Variants in AK5 observed in about 807,000 individuals in gnomAD.
AK5 encodes the protein adenylate kinase 5.
In AK5, 27 loss-of-function variants were observed where a neutral mutation model predicts 69.5. That is an observed-to-expected ratio of 0.39 (90% confidence interval 0.29 to 0.54). The LOEUF (loss-of-function observed/expected upper bound fraction) is 0.54. Among genes scored for constraint, AK5 ranks in the 20% least tolerant of loss-of-function variants. The pLI is 0.71. For missense variants in AK5, 531 were observed against 700.4 expected (o/e 0.76, Z 2.73); for synonymous variants, 260 against 244.4 (o/e 1.06, Z -0.60).
intron 10 of AK5, among the ~76,000 whole-genome samples, chr1:77,488,892 A>G (rs1246360918): frequency 2.2e-5 from 1 of 45,770 alleles, no homozygotes; most frequent in East Asian, 9.3e-4. Context: ...GTATCCTTCA[A>G]TCCAATCAAG....
chr1:77,490,749 A>G (rs999736366), intron 10 of AK5, among the ~76,000 whole-genome samples: 1 of 151,856 alleles, frequency 6.6e-6, no homozygotes, highest in East Asian at 1.9e-4. Context: ...ACAGTTTTTC[A>G]CAACCTTTTC....
intron 6 of AK5, among the ~76,000 whole-genome samples, chr1:77,362,276 TA>T (rs1646878304): frequency 6.6e-6 from 1 of 152,220 alleles, no homozygotes; most frequent in African/African-American, 2.4e-5. Context: ...TTTTAATTTT[TA>T]AAAACGTTTT....
At chr1:77,314,131 TA>T in intron 5 of AK5, 2 of 324,524 alleles carry the variant, frequency 6.2e-6, no homozygotes, top group South Asian at 5.2e-5. Flanking sequence ...AAAACAATCT[TA>T]TGATATGAAT....
At chr1:77,396,889 C>T (rs148832554) in intron 6 of AK5, among the ~76,000 whole-genome samples, 194 of 152,354 alleles carry the variant, frequency 1.3e-3, no homozygotes, top group African/African-American at 4.3e-3. Flanking sequence ...TTGCAAGATG[C>T]TTTGCCTATT....
chr1:77,368,215 C>CTATATATA (rs1172723260), intron 6 of AK5, among the ~76,000 whole-genome samples: 1 of 28,204 alleles, frequency 3.5e-5, no homozygotes, highest in African/African-American at 9.5e-5. Context: ...AGTAGAGATA[C>CTATATATA]TATATATATA....
intron 8 of AK5, among the ~76,000 whole-genome samples, chr1:77,463,559 C>T (rs1653962940): frequency 9.4e-6 from 1 of 106,088 alleles, no homozygotes; most frequent in Non-Finnish European, 1.8e-5. Context: ...ACACAAAAAC[C>T]TGTTTAGCTT....
intron 1 of AK5, among the ~76,000 whole-genome samples, chr1:77,286,042 C>G (rs1658329203): frequency 6.6e-6 from 1 of 151,980 alleles, no homozygotes; most frequent in Non-Finnish European, 1.5e-5. Flanking sequence ...ATGCTGGATA[C>G]CATGGGAACA....
chr1:77,504,994 T>A (rs907449453), intron 10 of AK5, among the ~76,000 whole-genome samples: 3 of 152,220 alleles, frequency 2.0e-5, no homozygotes, highest in Non-Finnish European at 4.4e-5. Context: ...AACAGTGATT[T>A]TTTTCTCTTA....
At chr1:77,306,505 T>G (rs955988761) in intron 5 of AK5, among the ~76,000 whole-genome samples, 65 of 150,936 alleles carry the variant, frequency 4.3e-4, no homozygotes, top group Non-Finnish European at 6.1e-4. Context: ...TTTTTTTTTT[T>G]TTTTTTGAGG....
intron 6 of AK5, among the ~76,000 whole-genome samples, chr1:77,395,027 C>T (rs1325009499): frequency 6.7e-6 from 1 of 149,216 alleles, no homozygotes; most frequent in African/African-American, 2.5e-5. Flanking sequence ...GCCCTCCTCT[C>T]CCTCATTTGT....
intron 1 of AK5, 79 bp downstream of exon 1, chr1:77,282,452 G>A: frequency 6.8e-7 from 1 of 1,481,344 alleles, no homozygotes; most frequent in East Asian, 2.7e-5. Flanking sequence ...GCCGCGCCCC[G>A]TCCCACCTTC....
intron 12 of AK5, among the ~76,000 whole-genome samples, chr1:77,530,913 C>T (rs1658537591): frequency 6.6e-6 from 1 of 152,114 alleles, no homozygotes; most frequent in Non-Finnish European, 1.5e-5. Flanking sequence ...GCTCCACTTG[C>T]TGGAATGACC....
chr1:77,542,230 C>T (rs904900781), intron 13 of AK5, among the ~76,000 whole-genome samples: 2 of 151,906 alleles, frequency 1.3e-5, no homozygotes, highest in Admixed American at 6.6e-5. Flanking sequence ...GGCTGAGGCA[C>T]GAGAATTACT....
chr1:77,514,244 G>C (rs1409307758), intron 10 of AK5, among the ~76,000 whole-genome samples: 8 of 152,112 alleles, frequency 5.3e-5, no homozygotes, highest in Non-Finnish European at 1.0e-4. Flanking sequence ...TTATTCAGGG[G>C]TTCGAGCCTT....
intron 5 of AK5, among the ~76,000 whole-genome samples, chr1:77,299,364 G>A (rs1186456087): frequency 6.6e-6 from 1 of 150,730 alleles, no homozygotes; most frequent in African/African-American, 2.4e-5. Flanking sequence ...ACATATTACA[G>A]ATATCGTATT....
At chr1:77,486,511 C>T (rs1456477001) in intron 10 of AK5, among the ~76,000 whole-genome samples, 159 bp downstream of exon 10, 6 of 151,872 alleles carry the variant, frequency 4.0e-5, no homozygotes, top group East Asian at 3.9e-4. Context: ...CTGGCTAACA[C>T]AGTGAAACCC....
At chr1:77,444,149 TTC>T (rs369228737) in intron 8 of AK5, among the ~76,000 whole-genome samples, 60 of 141,372 alleles carry the variant, frequency 4.2e-4, no homozygotes, top group Admixed American at 6.5e-4. Flanking sequence ...TGCTATTTTA[TTC>T]TCTCTCTCTC....
At chr1:77,543,239 G>GC (rs1447082449) in intron 13 of AK5, among the ~76,000 whole-genome samples, 1 of 152,164 alleles carries the variant, frequency 6.6e-6, no homozygotes, top group Non-Finnish European at 1.5e-5. Context: ...CCGCTTGGTT[G>GC]CAAAATCTAC....
At chr1:77,386,724 C>T (rs1394850871) in intron 6 of AK5, among the ~76,000 whole-genome samples, 2 of 152,144 alleles carry the variant, frequency 1.3e-5, no homozygotes, top group Non-Finnish European at 2.9e-5. Context: ...GTATTCAGGG[C>T]ATCCATCACC....
Sources: gnomAD v4.1 joint callset for allele counts (sites outside exome capture counted in the v4.1 genomes callset) on GRCh38, gnomAD v4.1.1 for gene constraint, MANE v1.5 for transcripts, NCBI Gene and HGNC (gene_info 2026-07-23, HGNC 2026-07-21) for gene names.